The following ATP9B variants were observed in gnomAD, a reference collection of about 807,000 sequenced individuals.
ATP9B encodes the protein ATPase phospholipid transporting 9B.
In ATP9B, 110 loss-of-function variants were observed where a neutral mutation model predicts 146.1. The ratio of observed to expected loss-of-function variants is 0.75; its 90% CI spans 0.65 to 0.88. The LOEUF (loss-of-function observed/expected upper bound fraction) is 0.88. ATP9B is among the 40% of genes least tolerant of loss of function. ATP9B has a pLI of 0.00. For missense variants in ATP9B, 1,499 were observed against 1,496.4 expected, an observed-to-expected ratio of 1.00 and a Z score of -0.03; for synonymous variants, 604 against 569.7, an observed-to-expected ratio of 1.06 and a Z score of -0.86.
intron 5 of ATP9B, among the ~76,000 whole-genome samples, chr18:79,142,429 G>A (rs1424685773): frequency 1.3e-5 from 2 of 152,106 alleles, no homozygotes; most frequent in African/African-American, 4.8e-5. Flanking sequence ...TGATTACAGA[G>A]AATGTGAAAA....
chr18:79,305,373 T>C (rs1259655005), intron 14 of ATP9B, among the ~76,000 whole-genome samples: 1 of 152,198 alleles, frequency 6.6e-6, no homozygotes, highest in Non-Finnish European at 1.5e-5. Flanking sequence ...AGAAGTCTCA[T>C]ATGTGTATAT....
At chr18:79,207,762 C>T (rs972506696) in intron 10 of ATP9B, among the ~76,000 whole-genome samples, 1 of 151,910 alleles carries the variant, frequency 6.6e-6, no homozygotes, top group South Asian at 2.1e-4. Context: ...CACTCACTCC[C>T]CCATGCATGT....
chr18:79,307,394 C>A, intron 15 of ATP9B, 160 bp downstream of exon 15: 1 of 1,072,722 alleles, frequency 9.3e-7, no homozygotes, highest in Non-Finnish European at 1.3e-6. Context: ...CCTATTCCAG[C>A]ATGTAGCCTC....
chr18:79,071,049 C>CTT (rs746689031), intron 1 of ATP9B, among the ~76,000 whole-genome samples: 5,162 of 112,302 alleles, frequency 0.046, 171 homozygotes, highest in South Asian at 0.094. Context: ...ATTCCTGTTT[C>CTT]TTTTTTTTTT....
At chr18:79,176,047 A>G (rs1204886565) in intron 7 of ATP9B, among the ~76,000 whole-genome samples, 1 of 152,222 alleles carries the variant, frequency 6.6e-6, no homozygotes, top group East Asian at 1.9e-4. Flanking sequence ...AGATCTTTCC[A>G]TGACAGTGTA....
chr18:79,177,223 T>G (rs1178353008), intron 8 of ATP9B, among the ~76,000 whole-genome samples: 1 of 152,044 alleles, frequency 6.6e-6, no homozygotes, highest in Non-Finnish European at 1.5e-5. Context: ...CTTAATGTCC[T>G]TTTCCTTTTT....
intron 11 of ATP9B, among the ~76,000 whole-genome samples, chr18:79,246,294 C>CACCGCCCTACTGACTGA (rs2095960595): frequency 1.2e-5 from 1 of 84,338 alleles, no homozygotes; most frequent in Non-Finnish European, 2.2e-5. Flanking sequence ...ACTGTCTGTG[C>CACCGCCCTACTGACTGA]GGAGGGCACC....
At chr18:79,370,943 T>C (rs961821696) in intron 26 of ATP9B, among the ~76,000 whole-genome samples, 2 of 152,230 alleles carry the variant, frequency 1.3e-5, no homozygotes, top group South Asian at 4.1e-4. Context: ...CATACTTAAT[T>C]ACAGATGAAT....
Position 79,307,124 on chromosome 18 carries a change from A to G in ATP9B, c.1663A>G (p.Thr555Ala). Residue 555 changes from threonine to alanine, a missense_variant, in exon 15 of 30, where the codon ACC becomes GCC. Coordinates refer to ENST00000426216, the MANE Select transcript of ATP9B (RefSeq NM_198531.5). ...AGCCATCGTGCTGTGTCACAACGTG[A>G]CCCCCGTGTATGAGTCTCGGGCCGG... ...VKAIVLCHNV[T>A]PVYESRAGVT... is the part of the protein sequence containing the mutation. 1 of 1,613,386 alleles carries G rather than the reference A, an allele frequency of 6.2e-7. No homozygotes were observed. Among genetic ancestry groups the G allele is most frequent in the Non-Finnish European group, 8.5e-7 (1 of 1,179,874 alleles).
rs775461590 is a variant in ATP9B at position 79,126,243 on chromosome 18, A to G, written c.559-24A>G. Reference sequence around the variant, plus strand: ...TTTTTTGTTAAAGTTTAGTTTTCTAAAAATACCTTATTTTGTTTTATAGGG... The same window carrying G: ...TTTTTTGTTAAAGTTTAGTTTTCTAGAAATACCTTATTTTGTTTTATAGGG... On this transcript the variant is annotated intron_variant, in intron 4 of 29. Transcript: ENST00000426216. 4 of 1,557,656 alleles carry G rather than the reference A, an allele frequency of 2.6e-6. No homozygotes were observed. In the African/African-American group the frequency reaches 4.1e-5, roughly 16 times the overall value.
rs1262664506 is a variant in ATP9B at position 79,256,257 on chromosome 18, C to CCATATATATATATA, written c.1268+2716_1268+2717insCATATATATATATA. 2.1e-3 allele frequency among the ~76,000 whole-genome samples: 206 copies of CCATATATATATATA among 100,322 alleles called. 7 individuals carry two copies. Among genetic ancestry groups the CCATATATATATATA allele is most frequent in the Admixed American group, 3.2e-3 (32 of 9,874 alleles). 65.8% of individuals were successfully genotyped at this position (100,322 alleles called of 152,430 possible). On this transcript the variant is annotated intron_variant, in intron 12 of 29. Coordinates refer to ENST00000426216, the MANE Select transcript of ATP9B (RefSeq NM_198531.5). ...ATGCCATTTTGTGAATTCTAGCTAG[C>CCATATATATATATA]TATATATATATATATATATATATAT... is the stretch of plus-strand genomic sequence containing the variant.
In ATP9B at chr18:79,206,944, G is replaced by T. The variant is rs2095540059; in HGVS notation, c.962G>T (p.Ser321Ile). ...TTTTGTCTCCCTGCACAGGAAGACA[G>T]TGACCCGCCCATTCATGAAAGTCTC... ...SFEGTFTRED[S>I]DPPIHESLSI... The change falls in exon 10 of 30, where the codon AGT (serine) becomes ATT (isoleucine). Residue 321 changes from serine (S) to isoleucine (I), a missense_variant. Transcript: ENST00000426216. 6.2e-7 allele frequency: 1 copy of T among 1,613,904 alleles called. No homozygotes were observed. Among genetic ancestry groups the T allele is most frequent in the Admixed American group, 1.7e-5 (1 of 59,994 alleles).
intron 25 of ATP9B, among the ~76,000 whole-genome samples, chr18:79,350,239 A>G (rs1350534920): frequency 6.6e-6 from 1 of 152,194 alleles, no homozygotes; most frequent in African/African-American, 2.4e-5. Context: ...GGTCTTAAAA[A>G]TCACTTTGAA....
At chr18:79,101,834 GTTGT>G (rs1489146130) in intron 2 of ATP9B, among the ~76,000 whole-genome samples, 2 of 152,054 alleles carry the variant, frequency 1.3e-5, no homozygotes, top group African/African-American at 2.4e-5. Context: ...TTCTACTTGT[GTTGT>G]TTATTATTTT....
rs1001786405 is a variant in ATP9B, at chr18:79,354,995, C to T, written c.2904-4359C>T. ...AAGGCAAGTGGAGAGCTGAAAGTGC[C>T]ACTTCACGAGATGCAGCGATGCACC... is the stretch of plus-strand genomic sequence containing the variant. On this transcript the variant is annotated intron_variant, in intron 25 of 29. Coordinates refer to ENST00000426216, the MANE Select transcript of ATP9B (RefSeq NM_198531.5). Among the ~76,000 whole-genome samples, 3 of 152,196 alleles carry T rather than the reference C, an allele frequency of 2.0e-5. No homozygotes were observed. In the South Asian group the frequency reaches 6.2e-4, roughly 32 times the overall value.
At chr18:79,120,104 C>G (rs2094162932) in intron 4 of ATP9B, among the ~76,000 whole-genome samples, 1 of 151,990 alleles carries the variant, frequency 6.6e-6, no homozygotes, top group South Asian at 2.1e-4. Flanking sequence ...CCTCATAAGC[C>G]CTTGAGTTCT....
chr18:79,335,349 T>C (rs2096818317), intron 17 of ATP9B, among the ~76,000 whole-genome samples: 1 of 152,224 alleles, frequency 6.6e-6, no homozygotes, highest in Non-Finnish European at 1.5e-5. Context: ...TTGAGAGTGT[T>C]ACCTCCACAC....
intron 26 of ATP9B, among the ~76,000 whole-genome samples, chr18:79,367,041 C>T (rs1174488757): frequency 1.3e-5 from 2 of 150,310 alleles, no homozygotes; most frequent in African/African-American, 4.9e-5. Flanking sequence ...GAAAGTGCCT[C>T]CTCAACCAGA....
chr18:79,336,278 G>A (rs949317441), intron 17 of ATP9B, among the ~76,000 whole-genome samples: 2 of 152,266 alleles, frequency 1.3e-5, no homozygotes, highest in African/African-American at 2.4e-5. Context: ...GAGTGGTGGT[G>A]TTTAAGGATT....
Sources: allele counts gnomAD v4.1 joint callset (sites outside exome capture counted in the v4.1 genomes callset), GRCh38; gene constraint gnomAD v4.1.1; transcripts MANE v1.5; gene names NCBI Gene and HGNC (gene_info 2026-07-23, HGNC 2026-07-21).